The following CHST9 variants were observed in gnomAD, a reference collection of about 807,000 sequenced individuals.
CHST9 encodes carbohydrate sulfotransferase 9.
CHST9 carries 41 observed loss-of-function variants against 44.4 expected under a neutral mutation model. That is an observed-to-expected ratio of 0.92 (90% confidence interval 0.72 to 1.20). The LOEUF (loss-of-function observed/expected upper bound fraction) is 1.20. Ranked by LOEUF, CHST9 falls within the 50% of genes most tolerant of loss-of-function variation. The pLI, the probability that CHST9 is intolerant of heterozygous loss-of-function variation, is 0.00. For missense variants in CHST9, 504 were observed against 516.5 expected (o/e 0.98, Z 0.23); for synonymous variants, 171 against 178.4 (o/e 0.96, Z 0.33).
intron 5 of CHST9, among the ~76,000 whole-genome samples, chr18:26,921,259 G>A (rs143659899): frequency 4.6e-5 from 7 of 152,174 alleles, no homozygotes; most frequent in South Asian, 4.2e-4. Context: ...TCCATTTCTC[G>A]TTGCTGGAAG....
intron 4 of CHST9, among the ~76,000 whole-genome samples, chr18:26,976,997 G>C (rs978687878): frequency 1.3e-5 from 2 of 151,016 alleles, no homozygotes. Flanking sequence ...ATGAGTGAGA[G>C]ATAAGGGATC....
At chr18:27,039,352 G>A (rs1011928920) in intron 3 of CHST9, among the ~76,000 whole-genome samples, 1 of 152,072 alleles carries the variant, frequency 6.6e-6, no homozygotes, top group Non-Finnish European at 1.5e-5. Context: ...AGGAAATTCT[G>A]GCACATACTA....
intron 2 of CHST9, among the ~76,000 whole-genome samples, chr18:27,132,680 T>C (rs1246263877): frequency 6.6e-6 from 1 of 152,068 alleles, no homozygotes; most frequent in African/African-American, 2.4e-5. Context: ...CTCTAAGAGG[T>C]AAATAGAGAA....
chr18:26,918,567 TC>T (rs2055583606), intron 5 of CHST9, among the ~76,000 whole-genome samples: 1 of 152,086 alleles, frequency 6.6e-6, no homozygotes, highest in Admixed American at 6.6e-5. Flanking sequence ...AACCATTGTA[TC>T]CCCAATAGTG....
chr18:26,964,397 A>ATTTTTCT (rs747699625), intron 4 of CHST9, among the ~76,000 whole-genome samples: 6 of 152,244 alleles, frequency 3.9e-5, no homozygotes, highest in Non-Finnish European at 7.3e-5. Flanking sequence ...TCAAACAAAT[A>ATTTTTCT]GGACTTCAAA....
At chr18:27,090,898 CT>C (rs1163247666) in intron 2 of CHST9, among the ~76,000 whole-genome samples, 1 of 152,110 alleles carries the variant, frequency 6.6e-6, no homozygotes, top group Non-Finnish European at 1.5e-5. Flanking sequence ...CAGCTTTGTT[CT>C]TTTTGCTTAG....
chr18:26,966,750 T>C (rs2056470407), intron 4 of CHST9, among the ~76,000 whole-genome samples: 1 of 152,174 alleles, frequency 6.6e-6, no homozygotes, highest in Non-Finnish European at 1.5e-5. Context: ...CAAGTTGTTA[T>C]CAACTGAACA....
intron 4 of CHST9, among the ~76,000 whole-genome samples, chr18:26,987,987 C>T (rs2056773852): frequency 6.6e-6 from 1 of 151,948 alleles, no homozygotes; most frequent in African/African-American, 2.4e-5. Context: ...ATAGTAGCCA[C>T]AATGGACTAA....
chr18:27,107,215 CTATGACTA>C (rs2058229235), intron 2 of CHST9, among the ~76,000 whole-genome samples: 1 of 152,188 alleles, frequency 6.6e-6, no homozygotes, highest in Admixed American at 6.5e-5. Flanking sequence ...ACTTAGAATT[CTATGACTA>C]TTTTATAAGC....
At chr18:27,125,588 C>A (rs965015705) in intron 2 of CHST9, among the ~76,000 whole-genome samples, 6 of 152,054 alleles carry the variant, frequency 3.9e-5, no homozygotes, top group African/African-American at 1.4e-4. Context: ...GAGAAAAATT[C>A]TTCATCAAGA....
intron 4 of CHST9, among the ~76,000 whole-genome samples, chr18:26,979,180 A>G (rs1034212621): frequency 3.3e-5 from 5 of 152,032 alleles, no homozygotes; most frequent in African/African-American, 1.2e-4. Context: ...AAATGTGAAC[A>G]CTTTGTGCCT....
At chr18:27,147,861 C>CTTTTTTT (rs199868717) in intron 1 of CHST9, 3 of 140,102 alleles carry the variant, frequency 2.1e-5, no homozygotes, top group Non-Finnish European at 1.6e-5. Flanking sequence ...TATACTATTT[C>CTTTTTTT]TTTTTTTTTT....
chr18:27,088,401 T>TTTC (rs2143704430), intron 2 of CHST9, among the ~76,000 whole-genome samples: 1 of 151,646 alleles, frequency 6.6e-6, no homozygotes, highest in South Asian at 2.1e-4. Flanking sequence ...TTTTTTTTTT[T>TTTC]TTTTGCTTTT....
At chr18:27,017,593 G>A (rs994498596) in intron 4 of CHST9, among the ~76,000 whole-genome samples, 13 of 152,296 alleles carry the variant, frequency 8.5e-5, no homozygotes, top group Admixed American at 1.3e-4. Context: ...CTGGGAGGTA[G>A]AGAGAAGGTA....
intron 3 of CHST9, among the ~76,000 whole-genome samples, chr18:27,033,442 G>A (rs1348005753): frequency 3.3e-5 from 5 of 152,130 alleles, no homozygotes; most frequent in African/African-American, 9.7e-5. Context: ...TTTGCTCTTT[G>A]GATGTGAGAC....
At chr18:26,928,612 G>T (rs750514326) in intron 5 of CHST9, among the ~76,000 whole-genome samples, 10 of 152,202 alleles carry the variant, frequency 6.6e-5, no homozygotes, top group Non-Finnish European at 1.2e-4. Context: ...AGGGAACTGA[G>T]AAAGGAAAGG....
intron 1 of CHST9, among the ~76,000 whole-genome samples, chr18:27,170,625 T>A (rs1047824583): frequency 1.3e-5 from 2 of 152,194 alleles, no homozygotes; most frequent in Non-Finnish European, 2.9e-5. Context: ...ATAAAATATT[T>A]AATGCAAAAA....
chr18:27,183,878 A>T (rs2143991687), intron 1 of CHST9, among the ~76,000 whole-genome samples: 1 of 152,294 alleles, frequency 6.6e-6, no homozygotes, highest in East Asian at 1.9e-4. Flanking sequence ...ATGATTAGGT[A>T]CTGGAATTAA....
At chr18:27,134,373 G>T (rs981438087) in intron 2 of CHST9, among the ~76,000 whole-genome samples, 5 of 150,954 alleles carry the variant, frequency 3.3e-5, no homozygotes, top group African/African-American at 1.2e-4. Flanking sequence ...GCTTTACTTT[G>T]CCTGAAATCA....
Sources: gnomAD v4.1 joint callset for allele counts (sites outside exome capture counted in the v4.1 genomes callset) on GRCh38, gnomAD v4.1.1 for gene constraint, MANE v1.5 for transcripts, NCBI Gene and HGNC (gene_info 2026-07-23, HGNC 2026-07-21) for gene names.